ELN: variants seen among roughly 807,000 people sequenced by gnomAD.
ELN encodes the protein elastin.
In ELN, 65 loss-of-function variants were observed where a neutral mutation model predicts 105.8. That is an observed-to-expected ratio of 0.61 (90% CI 0.50 to 0.75). ELN has a LOEUF of 0.75. ELN is among the 30% of genes least tolerant of loss of function. The probability of loss-of-function intolerance (pLI) is 0.00; values close to 1 mark genes in which losing one functional copy is unlikely to be tolerated. For synonymous variants in ELN, 368 were observed against 389.2 expected (o/e 0.95, Z 0.64); for missense variants, 882 against 969.4 (o/e 0.91, Z 1.20).
intron 25 of ELN, chr7:74,060,712 C>CCA: frequency 7.5e-7 from 1 of 1,332,260 alleles, no homozygotes; most frequent in Non-Finnish European, 1.0e-6. Context: ...AGAGTATCTG[C>CCA]CTCCTCAGTA....
At chr7:74,033,064 C>T (rs560736915) in intron 1 of ELN, among the ~76,000 whole-genome samples, 4 of 152,324 alleles carry the variant, frequency 2.6e-5, no homozygotes, top group African/African-American at 7.2e-5. Flanking sequence ...CTTGCAGCAA[C>T]CTTGCAACCT....
At chr7:74,033,193 C>T (rs774641581) in intron 1 of ELN, among the ~76,000 whole-genome samples, 24 of 152,242 alleles carry the variant, frequency 1.6e-4, no homozygotes, top group Non-Finnish European at 2.8e-4. Context: ...TGGTAAGAAG[C>T]AGCGAAGGCA....
chr7:74,067,484 T>C (rs1194755102), intron 32 of ELN, among the ~76,000 whole-genome samples: 5 of 151,488 alleles, frequency 3.3e-5, no homozygotes, highest in African/African-American at 1.2e-4. Context: ...GCCAGGCTGG[T>C]CTCGAACTCC....
intron 2 of ELN, chr7:74,035,792 A>C: frequency 2.9e-6 from 1 of 341,634 alleles, no homozygotes; most frequent in Non-Finnish European, 5.7e-6. Context: ...AAAAAAAATT[A>C]GCTGGGCATA....
At position 74,063,614 on chromosome 7, in the gene ELN, T is replaced by C; in HGVS notation, c.1919-7T>C. 6.2e-7 allele frequency: 1 copy of C among 1,614,160 alleles called. No individual in the cohort carries two copies. ...CAGCGGAGTCTAATGCTCAGCTGTC[T>C]CCACAGGCCTAGTGGGAGCCGCTGG... On this transcript the variant is annotated splice_region_variant and splice_polypyrimidine_tract_variant and intron_variant, in intron 28 of 32. Transcript: ENST00000252034. The surrounding 1 kb of genome is among the most constrained non-coding windows in gnomAD (Gnocchi z 4.1).
At chr7:74,043,403 G>T (rs905045531) in intron 8 of ELN, 34 of 732,692 alleles carry the variant, frequency 4.6e-5, no homozygotes, top group Non-Finnish European at 7.4e-5. Flanking sequence ...CGGGCTCTGT[G>T]GCAGGCTGTC....
intron 11 of ELN, 119 bp from the exon 12 acceptor site, chr7:74,046,577 A>G: frequency 9.3e-7 from 1 of 1,080,850 alleles, no homozygotes; most frequent in Non-Finnish European, 1.4e-6. Context: ...AGTCCCTCGA[A>G]GCAGGATGGT....
chr7:74,063,552 C>A lies in ELN; in HGVS notation c.1919-69C>A, dbSNP rs1797198205. ...CTGTGTCCCCAGAGGACACCTCCGC[C>A]CTCCACAGGCCGAGGCTTCAGTCCC... is the stretch of plus-strand genomic sequence containing the variant. On this transcript the variant is annotated intron_variant, in intron 28 of 32. Transcript: ENST00000252034. This position sits in a 1 kb window ranked among gnomAD's most constrained non-coding sequence, Gnocchi z 4.1. The A allele has an allele frequency of 1.9e-6, 3 of 1,612,902 alleles. No homozygotes were observed. In the South Asian group the frequency reaches 3.3e-5, roughly 18 times the overall value.
intron 2 of ELN, 101 bp downstream of exon 2, chr7:74,035,515 C>T (rs782708967): frequency 3.4e-5 from 48 of 1,406,200 alleles, no homozygotes; most frequent in Middle Eastern, 3.5e-4. Flanking sequence ...AACATTGACA[C>T]GCCTACCAGA....
At position 74,031,324 on chromosome 7, in the gene ELN, A is replaced by G. The variant is rs564638215; in HGVS notation, c.82+3055A>G. Among the ~76,000 whole-genome samples, 20 of 152,212 alleles carry G rather than the reference A, an allele frequency of 1.3e-4. No individual in the cohort carries two copies. In the East Asian group the frequency reaches 2.1e-3, roughly 16 times the overall value. Reference sequence around the variant, plus strand: ...TTCTAGCAATGTAATATCTGGGGGGAAAAAAAGCATCAAATAAAAGGACCG... The same window carrying G: ...TTCTAGCAATGTAATATCTGGGGGGGAAAAAAGCATCAAATAAAAGGACCG... On this transcript the variant is annotated intron_variant, in intron 1 of 32. Coordinates refer to ENST00000252034, the MANE Select transcript of ELN (RefSeq NM_000501.4).
chr7:74,062,828 G>A (rs374481589), intron 26 of ELN, among the ~76,000 whole-genome samples: 15 of 152,290 alleles, frequency 9.8e-5, no homozygotes, highest in Middle Eastern at 6.8e-3. Flanking sequence ...TGGGATTACA[G>A]GTGTGAGCCA....
chr7:74,042,756 G>A (rs1554669454), intron 6 of ELN, 50 bp downstream of exon 6: 2 of 1,601,954 alleles, frequency 1.2e-6, no homozygotes, highest in South Asian at 1.1e-5. Context: ...CTTCCGTGGG[G>A]CCCTCCGCTT....
intron 29 of ELN, among the ~76,000 whole-genome samples, chr7:74,064,423 A>T (rs810554): frequency 0.26 from 34,735 of 132,826 alleles, 4,943 homozygotes; most frequent in East Asian, 0.44. Context: ...TCAAAAAAAA[A>T]ATATATATAT....
chr7:74,064,659 C>T (rs2132601774), intron 29 of ELN, among the ~76,000 whole-genome samples: 1 of 152,230 alleles, frequency 6.6e-6, no homozygotes, highest in African/African-American at 2.4e-5. Flanking sequence ...GGAGCTGGGG[C>T]TATCCCTTGC....
chr7:74,048,267 G>C (rs1793042876), intron 14 of ELN, 66 bp downstream of exon 14: 14 of 1,606,494 alleles, frequency 8.7e-6, no homozygotes, highest in Non-Finnish European at 1.2e-5. Flanking sequence ...AGAGCCCTGG[G>C]GTGGGTGAGG....
In ELN at chr7:74,049,248, A is replaced by G. The variant is rs116311825; in HGVS notation, c.799+692A>G. Among the ~76,000 whole-genome samples the G allele has an allele frequency of 3.2e-3, 484 of 150,104 alleles. 1 individual carries two copies. Among genetic ancestry groups the G allele is most frequent in the African/African-American group, 0.012 (471 of 40,578 alleles). ...CCATCCTCCATTCCTCCATGCAGCC[A>G]TCTATCCATCCATCCATCCACTTAT... On this transcript the variant is annotated intron_variant, in intron 15 of 32. Transcript: ENST00000252034.
At chr7:74,034,523 C>T (rs1789469848) in intron 1 of ELN, among the ~76,000 whole-genome samples, 1 of 152,144 alleles carries the variant, frequency 6.6e-6, no homozygotes, top group Non-Finnish European at 1.5e-5. Context: ...GCCTGGGGAA[C>T]ATACTGACAC....
At chr7:74,053,547 G>C (rs1350393161) in intron 18 of ELN, among the ~76,000 whole-genome samples, 1 of 152,098 alleles carries the variant, frequency 6.6e-6, no homozygotes, top group East Asian at 1.9e-4. Flanking sequence ...GTGTTCTCTG[G>C]GGGGCAGGAA....
At chr7:74,065,647 C>A (rs1554688592) in intron 29 of ELN, 47 bp from the exon 30 acceptor site, 4 of 1,575,190 alleles carry the variant, frequency 2.5e-6, no homozygotes, top group Non-Finnish European at 3.5e-6. Flanking sequence ...CAGGGCCTGA[C>A]AGGTGGCATT....
Sources: allele counts gnomAD v4.1 joint callset (sites outside exome capture counted in the v4.1 genomes callset), GRCh38; gene constraint gnomAD v4.1.1; non-coding constraint Gnocchi (gnomAD v3.1); transcripts MANE v1.5; gene names NCBI Gene and HGNC (gene_info 2026-07-23, HGNC 2026-07-21).